The following SLC9A3 variants were observed in gnomAD, a reference collection of about 807,000 sequenced individuals.
The protein encoded by SLC9A3 is solute carrier family 9 member A3, also known as sodium/hydrogen exchanger 3.
Under a neutral mutation model 86.8 loss-of-function variants are expected in SLC9A3, and 37 were observed. The ratio of observed to expected loss-of-function variants is 0.43; its 90% confidence interval spans 0.33 to 0.56. The LOEUF (loss-of-function observed/expected upper bound fraction) is 0.56. Ranked by LOEUF, SLC9A3 falls within the 20% of genes least tolerant of loss-of-function variation. The pLI is 0.06. For missense variants in SLC9A3, 1,011 were observed against 1,171.9 expected, an observed-to-expected ratio of 0.86 and a Z score of 2.00; for synonymous variants, 581 against 528.3, an observed-to-expected ratio of 1.10 and a Z score of -1.37.
chr5:493,661 A>C (rs1199517117), intron 1 of SLC9A3, among the ~76,000 whole-genome samples: 1 of 152,160 alleles, frequency 6.6e-6, no homozygotes, highest in Non-Finnish European at 1.5e-5. Flanking sequence ...CGGTCTCCCG[A>C]CCCTGTCCCC....
At chr5:486,788 G>A (rs7713070) in intron 3 of SLC9A3, among the ~76,000 whole-genome samples, 1 of 148,998 alleles carries the variant, frequency 6.7e-6, no homozygotes, top group Non-Finnish European at 1.5e-5. Context: ...GGACGGCCAC[G>A]TGAGGACACG....
intron 10 of SLC9A3, chr5:479,484 C>T (rs796553223): frequency 5.3e-5 from 14 of 264,944 alleles, no homozygotes; most frequent in South Asian, 5.0e-4. Context: ...TGGGCACCTG[C>T]GTGTGCTGGG....
chr5:517,049 C>T (rs1014617291), intron 1 of SLC9A3, among the ~76,000 whole-genome samples: 1 of 152,174 alleles, frequency 6.6e-6, no homozygotes, highest in Non-Finnish European at 1.5e-5. Flanking sequence ...TCCACTCATT[C>T]GTTCATTCCT....
At chr5:493,107 T>C (rs898608391) in intron 1 of SLC9A3, among the ~76,000 whole-genome samples, 5 of 129,530 alleles carry the variant, frequency 3.9e-5, no homozygotes, top group Middle Eastern at 4.1e-3. Context: ...TGTGTTTTAG[T>C]TGGACTCAGA....
At chr5:507,229 C>A (rs866836752) in intron 1 of SLC9A3, among the ~76,000 whole-genome samples, 19 of 98,426 alleles carry the variant, frequency 1.9e-4, no homozygotes, top group Non-Finnish European at 2.7e-4. Context: ...AGTGCGGTGG[C>A]GCGATCTGGG....
Position 473,008 on chromosome 5 carries a change from G to T in SLC9A3, c.*371C>A. ...TGCTCCAGCGCGTGCGGCGGTGCGT[G>T]GCACGAGGGCGGCAGCGACGCCAGC... On this transcript the variant is annotated 3_prime_UTR_variant, in exon 17 of 17. Coordinates refer to ENST00000264938, the MANE Select transcript of SLC9A3 (RefSeq NM_004174.4). The T allele has an allele frequency of 4.4e-6, 2 of 452,340 alleles. No individual in the cohort carries two copies. Among genetic ancestry groups the T allele is most frequent in the Admixed American group, 4.5e-5 (1 of 22,106 alleles). 28.0% of individuals were successfully genotyped at this position (452,340 alleles called of 1,614,324 possible).
intron 16 of SLC9A3, among the ~76,000 whole-genome samples, chr5:474,008 A>T (rs1436910074): frequency 6.6e-6 from 1 of 152,252 alleles, no homozygotes; most frequent in Non-Finnish European, 1.5e-5. Flanking sequence ...TGGGAGCAGC[A>T]GAGACGCCAG....
Position 497,790 on chromosome 5 carries a change from TC to T in SLC9A3, c.212-5720del, listed in dbSNP as rs1324574766. ...GGGTCGCCCGGCCGCATCCCCAGCC[TC>T]TGCCCCTGTCCCGGGTGGGGTCGCC... On this transcript the variant is annotated intron_variant, in intron 1 of 16. Transcript: ENST00000264938. This position sits in a 1 kb window ranked among gnomAD's most constrained non-coding sequence, Gnocchi z 5.4. 1.6e-3 allele frequency among the ~76,000 whole-genome samples: 80 copies of T among 50,340 alleles called. 17 individuals are homozygous for T. The highest frequency in any genetic ancestry group is 2.7e-3 in the South Asian group (2 of 742). 33.0% of individuals were successfully genotyped at this position (50,340 alleles called of 152,430 possible).
chr5:477,697 G>A (rs1393066846), intron 10 of SLC9A3: 1 of 462,388 alleles, frequency 2.2e-6, no homozygotes, highest in Non-Finnish European at 3.9e-6. Context: ...ATGCTTGTGG[G>A]AGGACACAGT....
Position 485,187 on chromosome 5 carries a change from G to C in SLC9A3, c.720C>G (p.Asp240Glu), listed in dbSNP as rs774454512. ...TCACGCAGTCCACGCCAGTCACGTT[G>C]TCACCTCCCAGCGCCACGAAAGATT... ...VFESFVALGG[D>E]NVTGVDCVKG... The change falls in exon 4 of 17, where the codon GAC becomes GAG. Residue 240 changes from aspartate to glutamate, a missense_variant. Around this residue, in one of 3 missense-constraint regions of SLC9A3, gnomAD observed 565 missense variants for 790.0 expected, o/e 0.72. Transcript: ENST00000264938. 6.2e-7 allele frequency: 1 copy of C among 1,613,922 alleles called. No individual in the cohort carries two copies. Among genetic ancestry groups the C allele is most frequent in the South Asian group, 1.1e-5 (1 of 91,088 alleles).
chr5:488,522 C>A (rs187932728), intron 2 of SLC9A3, 46 bp from the exon 3 acceptor site: 66 of 1,480,702 alleles, frequency 4.5e-5, no homozygotes, highest in Admixed American at 4.4e-4. Context: ...GCCTGCCACC[C>A]GAGGAGGAGG....
At chr5:516,104 G>A (rs577205695) in intron 1 of SLC9A3, among the ~76,000 whole-genome samples, 6 of 136,180 alleles carry the variant, frequency 4.4e-5, no homozygotes, top group Admixed American at 7.7e-5. Context: ...TTTTTGCCTC[G>A]GGCACTTCGC....
In SLC9A3 at chr5:491,908, C is replaced by T; in HGVS notation, c.375G>A (p.Leu125=). ...GGTTGGGCATGAAGTAGCCGGCGTC[C>T]AGCACGATGGGGGGCAGCAGGTAGA... ...FFFYLLPPIV[L]DAGYFMPNRL... The change falls in exon 2 of 17, where the codon CTG becomes CTA. Residue 125 remains leucine, a synonymous_variant. Coordinates refer to ENST00000264938, the MANE Select transcript of SLC9A3 (RefSeq NM_004174.4). This position sits in a 1 kb window ranked among gnomAD's most constrained non-coding sequence, Gnocchi z 9.2. 1 of 1,611,862 alleles carries T rather than the reference C, an allele frequency of 6.2e-7. No homozygotes were observed. The highest frequency in any genetic ancestry group is 8.5e-7 in the Non-Finnish European group (1 of 1,179,546).
At chr5:475,510 GCGGCA>G in intron 15 of SLC9A3, 46 bp downstream of exon 15, 4 of 1,127,632 alleles carry the variant, frequency 3.5e-6, no homozygotes, top group South Asian at 1.3e-5. Context: ...CCCTCCTGGG[GCGGCA>G]GGAGCCACCC....
At position 471,923 on chromosome 5, in the gene SLC9A3, C is replaced by A. The variant is rs748504232; in HGVS notation, c.*1456G>T. The A allele has an allele frequency of 1.5e-5, 7 of 456,550 alleles. No homozygotes were observed. Among genetic ancestry groups the A allele is most frequent in the Non-Finnish European group, 3.1e-5 (7 of 226,986 alleles). The allele number at this position is 456,550 out of a possible 1,614,324, so 28.3% of individuals were successfully genotyped here. On this transcript the variant is annotated 3_prime_UTR_variant, in exon 17 of 17. Transcript: ENST00000264938. Reference sequence around the variant, plus strand: ...TGTGCAATATTCAGTCAACATAAAACTCTTTAAGAACTCCTCCTGACTGGT... The same window carrying A: ...TGTGCAATATTCAGTCAACATAAAAATCTTTAAGAACTCCTCCTGACTGGT...
At chr5:507,237 G>T (rs186894722) in intron 1 of SLC9A3, among the ~76,000 whole-genome samples, 1 of 114,998 alleles carries the variant, frequency 8.7e-6, no homozygotes, top group African/African-American at 3.7e-5. Context: ...GGCGCGATCT[G>T]GGCTCACTGC....
intron 3 of SLC9A3, among the ~76,000 whole-genome samples, chr5:486,226 G>A (rs1243895280): frequency 6.6e-6 from 1 of 152,204 alleles, no homozygotes; most frequent in Non-Finnish European, 1.5e-5. Context: ...CGGGGCTGGG[G>A]GAGGATGGGC....
chr5:517,883 A>G (rs1733781421), intron 1 of SLC9A3, among the ~76,000 whole-genome samples: 1 of 150,196 alleles, frequency 6.7e-6, no homozygotes, highest in Non-Finnish European at 1.5e-5. Flanking sequence ...CCATCCATCC[A>G]CTTATCCATC....
intron 1 of SLC9A3, among the ~76,000 whole-genome samples, chr5:494,114 C>G (rs1739915975): frequency 6.6e-6 from 1 of 152,246 alleles, no homozygotes; most frequent in East Asian, 1.9e-4. Context: ...TGACCTTGCT[C>G]TCTCCCCACA....
Sources: allele counts gnomAD v4.1 joint callset (sites outside exome capture counted in the v4.1 genomes callset), GRCh38; gene constraint gnomAD v4.1.1; regional missense constraint gnomAD v4.1.1; non-coding constraint Gnocchi (gnomAD v3.1); transcripts MANE v1.5; gene names NCBI Gene and HGNC (gene_info 2026-07-23, HGNC 2026-07-21).